The following KANK4 variants were observed in gnomAD, a reference collection of about 807,000 sequenced individuals.
KANK4 encodes KN motif and ankyrin repeat domain-containing protein 4.
A neutral mutation model predicts 80.8 loss-of-function variants in KANK4; 50 were observed. The ratio of observed to expected loss-of-function variants is 0.62; its 90% CI spans 0.49 to 0.78. The LOEUF is 0.78. Ranked by LOEUF, KANK4 falls within the 30% of genes least tolerant of loss-of-function variation. The pLI is 0.00. For synonymous variants in KANK4, 465 were observed against 506.9 expected (o/e 0.92, Z 1.11); for missense variants, 1,196 against 1,240.1 (o/e 0.96, Z 0.53).
chr1:62,283,877 GTCAAATTTCATTAAAAAGA>G (rs1672504299), intron 1 of KANK4, among the ~76,000 whole-genome samples: 2 of 152,134 alleles, frequency 1.3e-5, no homozygotes, highest in Admixed American at 6.5e-5. Context: ...CACACATTAG[GTCAAATTTCATTAAAAAGA>G]ACTCTGTAGA....
intron 4 of KANK4, 75 bp downstream of exon 4, chr1:62,271,403 G>A (rs982618665): frequency 3.0e-6 from 3 of 988,148 alleles, no homozygotes; most frequent in Non-Finnish European, 4.9e-6. Flanking sequence ...CCTCCCCCTA[G>A]GAAAAGAGAG....
At chr1:62,316,484 G>C (rs575694757) in intron 1 of KANK4, among the ~76,000 whole-genome samples, 29 of 152,318 alleles carry the variant, frequency 1.9e-4, no homozygotes, top group African/African-American at 6.7e-4. Context: ...CTGCAAGTCA[G>C]GAGCTTAGGA....
At chr1:62,268,625 T>A (rs372522845) in intron 4 of KANK4, 120 bp from the exon 5 acceptor site, 1 of 740,760 alleles carries the variant, frequency 1.3e-6, no homozygotes, top group South Asian at 1.6e-5. Flanking sequence ...CCTCCCCCAC[T>A]CTCTACACCT....
rs774307452 is a variant in KANK4, at chr1:62,266,698, G to GA, written c.2319+33dup. 48 of 1,419,772 alleles carry GA rather than the reference G, an allele frequency of 3.4e-5. No individual in the cohort carries two copies. In the Admixed American group the frequency reaches 8.2e-4, roughly 24 times the overall value. 87.9% of individuals were successfully genotyped at this position (1,419,772 alleles called of 1,614,324 possible). On this transcript the variant is annotated intron_variant, in intron 6 of 9. Coordinates refer to ENST00000371153, the MANE Select transcript of KANK4 (RefSeq NM_181712.5). ...CAGAGCTAACGTCTTAAACAGAAGGGAAATCTTTACATGACAATGAAAAAT... is the reference window on the plus strand; with the variant it reads ...CAGAGCTAACGTCTTAAACAGAAGGGAAAATCTTTACATGACAATGAAAAAT...
intron 9 of KANK4, among the ~76,000 whole-genome samples, chr1:62,244,444 T>TG (rs1381299610): frequency 6.6e-6 from 1 of 152,082 alleles, no homozygotes; most frequent in Non-Finnish European, 1.5e-5. Flanking sequence ...TCCCATGTGT[T>TG]GGGGGAGGGA....
intron 1 of KANK4, among the ~76,000 whole-genome samples, chr1:62,294,085 A>G (rs761234328): frequency 5.9e-5 from 9 of 152,214 alleles, no homozygotes; most frequent in Non-Finnish European, 1.2e-4. Flanking sequence ...TACATTACTT[A>G]TAAAATTACT....
chr1:62,253,887 A>G (rs886951314), intron 7 of KANK4, among the ~76,000 whole-genome samples: 3 of 152,092 alleles, frequency 2.0e-5, no homozygotes, highest in Non-Finnish European at 4.4e-5. Context: ...TACATTGTCC[A>G]CTCATGTGAA....
chr1:62,250,887 C>A (rs751386867), intron 8 of KANK4, among the ~76,000 whole-genome samples: 1 of 152,180 alleles, frequency 6.6e-6, no homozygotes, highest in Non-Finnish European at 1.5e-5. Flanking sequence ...GCAACGGTGA[C>A]TTTGCCATCG....
At chr1:62,242,361 C>CAAAAAAAAAAAAAAA (rs57320794) in intron 9 of KANK4, among the ~76,000 whole-genome samples, 1 of 66,144 alleles carries the variant, frequency 1.5e-5, no homozygotes, top group Admixed American at 2.0e-4. Context: ...GACCATACCT[C>CAAAAAAAAAAAAAAA]AAAAAAAAAA....
chr1:62,293,770 A>T (rs2149162027), intron 1 of KANK4, among the ~76,000 whole-genome samples: 1 of 152,344 alleles, frequency 6.6e-6, no homozygotes, highest in East Asian at 1.9e-4. Context: ...GTATTAGTGC[A>T]GAAGACATTT....
At chr1:62,290,775 CACTCTGTCGCCCAG>C (rs1672662868) in intron 1 of KANK4, among the ~76,000 whole-genome samples, 1 of 149,998 alleles carries the variant, frequency 6.7e-6, no homozygotes, top group African/African-American at 2.5e-5. Flanking sequence ...GATGGAGTCT[CACTCTGTCGCCCAG>C]GCTGGAGTGC....
At chr1:62,243,039 C>T (rs1273068222) in intron 9 of KANK4, among the ~76,000 whole-genome samples, 2 of 152,174 alleles carry the variant, frequency 1.3e-5, no homozygotes, top group Non-Finnish European at 2.9e-5. Flanking sequence ...GTCTGGAACC[C>T]ATCTTACCTG....
In KANK4 at chr1:62,278,320, TCTTCCTTC is replaced by T. The variant is rs1166178685; in HGVS notation, c.16+3221_16+3228del. 4.8e-4 allele frequency among the ~76,000 whole-genome samples: 29 copies of T among 60,512 alleles called. 2 individuals carry two copies. The highest frequency in any genetic ancestry group is 8.3e-4 in the Non-Finnish European group (24 of 29,024). The allele number at this position is 60,512 out of a possible 152,430, so 39.7% of individuals were successfully genotyped here. On this transcript the variant is annotated intron_variant, in intron 2 of 9. Coordinates refer to ENST00000371153, the MANE Select transcript of KANK4 (RefSeq NM_181712.5). The stretch of plus-strand genomic sequence containing the variant: ...GGCATTTCCTGGGGCACATTTTCTT[TCTTCCTTC>T]CTTCCTTCCTTCCTTCCTTCCTTCC...
At chr1:62,317,760 T>C (rs1006061687) in intron 1 of KANK4, among the ~76,000 whole-genome samples, 1 of 152,186 alleles carries the variant, frequency 6.6e-6, no homozygotes, top group Non-Finnish European at 1.5e-5. Flanking sequence ...TGGAGAATTC[T>C]CTATTTATGT....
At chr1:62,243,383 G>C (rs1671391497) in intron 9 of KANK4, among the ~76,000 whole-genome samples, 1 of 151,104 alleles carries the variant, frequency 6.6e-6, no homozygotes, top group Non-Finnish European at 1.5e-5. Context: ...CTTTCACCCA[G>C]GTTGGAGTGC....
chr1:62,258,791 T>C (rs183839026), intron 7 of KANK4, among the ~76,000 whole-genome samples: 7 of 152,090 alleles, frequency 4.6e-5, no homozygotes, highest in African/African-American at 1.4e-4. Flanking sequence ...GGTTCTCCCC[T>C]AGAGAGAGGT....
rs1393009525 is a variant in KANK4 at position 62,237,214 on chromosome 1, A to G, written c.*1063T>C. On this transcript the variant is annotated 3_prime_UTR_variant, in exon 10 of 10. Transcript: ENST00000371153. ...GATGACTTCACGTGAGCTACTGACC[A>G]TATAAACCTTGCATGTGCTGGCCCC... The G allele has an allele frequency of 6.7e-6, 1 of 150,038 alleles. No homozygotes were observed. Among genetic ancestry groups the G allele is most frequent in the Non-Finnish European group, 1.5e-5 (1 of 67,846 alleles). 9.3% of individuals were successfully genotyped at this position (150,038 alleles called of 1,614,324 possible).
chr1:62,299,706 G>A (rs749598278), intron 1 of KANK4, among the ~76,000 whole-genome samples: 6 of 152,176 alleles, frequency 3.9e-5, no homozygotes, highest in Non-Finnish European at 7.3e-5. Flanking sequence ...GCCTCATAAA[G>A]ATGTAGCAGC....
Position 62,283,530 on chromosome 1 carries a change from C to T in KANK4, c.-70-1896G>A, listed in dbSNP as rs979749348. Among the ~76,000 whole-genome samples the T allele has an allele frequency of 3.9e-5, 6 of 152,174 alleles. No homozygotes were observed. In the East Asian group the frequency reaches 1.2e-3, roughly 29 times the overall value. On this transcript the variant is annotated intron_variant, in intron 1 of 9. Transcript: ENST00000371153. ...GTCCACCCTGTAAGTCAGCCGGGTT[C>T]CCTGACACTATGACTGATCTTTAAT...
Sources: gnomAD v4.1 joint callset for allele counts (sites outside exome capture counted in the v4.1 genomes callset) on GRCh38, gnomAD v4.1.1 for gene constraint, MANE v1.5 for transcripts, NCBI Gene and HGNC (gene_info 2026-07-23, HGNC 2026-07-21) for gene names.